The following DPP6 variants were observed in gnomAD, a reference collection of about 807,000 sequenced individuals.
DPP6 encodes the protein dipeptidyl peptidase like 6.
Under a neutral mutation model 122.6 loss-of-function variants are expected in DPP6, and 69 were observed. The observed-to-expected ratio is 0.56, with a 90% CI of 0.46 to 0.69. The LOEUF (loss-of-function observed/expected upper bound fraction) is 0.69. DPP6 is among the 30% of genes least tolerant of loss of function. The pLI is 0.00. For synonymous variants in DPP6, 418 were observed against 433.1 expected (o/e 0.97, Z 0.43); for missense variants, 928 against 1,116.9 (o/e 0.83, Z 2.41).
At position 154,359,981 on chromosome 7, in the gene DPP6, C is replaced by T. The variant is rs142265246; in HGVS notation, c.244-86233C>T. 1.1e-3 allele frequency among the ~76,000 whole-genome samples: 161 copies of T among 152,246 alleles called. 1 individual carries two copies. The highest frequency in any genetic ancestry group is 3.8e-3 in the African/African-American group (156 of 41,538). Reference sequence around the variant, plus strand: ...CAGAAATGATCGAGCTGCGAGCTGCCGGAGGACCGCATGCAGGGGAAATTT... The same window carrying T: ...CAGAAATGATCGAGCTGCGAGCTGCTGGAGGACCGCATGCAGGGGAAATTT... On this transcript the variant is annotated intron_variant, in intron 1 of 25. Coordinates refer to ENST00000377770, the MANE Select transcript of DPP6 (RefSeq NM_130797.4).
rs375896471 is a variant in DPP6 at position 154,773,000 on chromosome 7, T to C, written c.1136+58T>C. 48 of 1,489,016 alleles carry C rather than the reference T, an allele frequency of 3.2e-5. No homozygotes were observed. In the African/African-American group the frequency reaches 4.7e-4, roughly 14 times the overall value. 92.2% of individuals were successfully genotyped at this position (1,489,016 alleles called of 1,614,324 possible). Reference sequence around the variant, plus strand: ...AAAAAAAACTAAGATGAATGTTCAATGTGCATGGTCTCTTCTGGATCAGAT... The same window carrying C: ...AAAAAAAACTAAGATGAATGTTCAACGTGCATGGTCTCTTCTGGATCAGAT... On this transcript the variant is annotated intron_variant, in intron 10 of 25. Coordinates refer to ENST00000377770, the MANE Select transcript of DPP6 (RefSeq NM_130797.4).
At chr7:154,061,986 CG>C (rs1802023363) in intron 1 of DPP6, among the ~76,000 whole-genome samples, 4 of 126,374 alleles carry the variant, frequency 3.2e-5, no homozygotes, top group Middle Eastern at 4.8e-3. Context: ...TCCCCTCTTC[CG>C]CCCCTGGCTG....
chr7:154,018,777 C>T (rs1798550455), intron 1 of DPP6, among the ~76,000 whole-genome samples: 1 of 152,234 alleles, frequency 6.6e-6, no homozygotes, highest in Non-Finnish European at 1.5e-5. Context: ...CAGGAGGCTT[C>T]TTGCAGATGA....
rs1724266800 is a variant in DPP6, at chr7:154,245,338, A to C, written c.243+192275A>C. On this transcript the variant is annotated intron_variant, in intron 1 of 25. Coordinates refer to ENST00000377770, the MANE Select transcript of DPP6 (RefSeq NM_130797.4). ...AGATAAACCATAAAACAGTAAGCAT[A>C]AAAAAGCTATGGCTGGCCAGGCATG... Among the ~76,000 whole-genome samples, 4 of 152,066 alleles carry C rather than the reference A, an allele frequency of 2.6e-5. No individual in the cohort carries two copies. In the South Asian group the frequency reaches 8.3e-4, roughly 32 times the overall value.
At chr7:154,472,037 G>T (rs191403603) in intron 2 of DPP6, among the ~76,000 whole-genome samples, 93 of 152,252 alleles carry the variant, frequency 6.1e-4, no homozygotes, top group African/African-American at 2.0e-3. Context: ...GAAAAAGCCC[G>T]AGGTGTGGGG....
chr7:154,508,332 G>A (rs1169228261), intron 3 of DPP6, among the ~76,000 whole-genome samples: 2 of 152,138 alleles, frequency 1.3e-5, no homozygotes, highest in Non-Finnish European at 2.9e-5. Context: ...TGAGCCTGGA[G>A]GTGGGGGTTC....
chr7:153,756,478 A>G, the DPP6 span, among the ~76,000 whole-genome samples: 141 of 152,274 alleles, frequency 9.3e-4, no homozygotes, highest in Middle Eastern at 3.4e-3. Flanking sequence ...CTGAGCACGC[A>G]GTGAAGGGCC....
At chr7:154,664,461 C>T (rs866250974) in intron 6 of DPP6, among the ~76,000 whole-genome samples, 32 of 152,186 alleles carry the variant, frequency 2.1e-4, no homozygotes, top group African/African-American at 7.7e-4. Flanking sequence ...TTAAGTCTTT[C>T]TGATGTCCCA....
chr7:154,213,300 A>T (rs1036645258), intron 1 of DPP6, among the ~76,000 whole-genome samples: 3 of 152,242 alleles, frequency 2.0e-5, no homozygotes, highest in Admixed American at 2.0e-4. Context: ...ATGTGTAGCA[A>T]GTATTTGACA....
rs374580140 is a variant in DPP6, at chr7:154,676,274, G to T, written c.762+6833G>T. Among the ~76,000 whole-genome samples the T allele has an allele frequency of 6.0e-5, 9 of 149,638 alleles. No individual in the cohort carries two copies. In the East Asian group the frequency reaches 1.8e-3, roughly 30 times the overall value. ...CCGGGCTGCGGCCATGGGGCGTGCTGTCTGGAGGTCCAGCTGCCCTTCCCC... is the reference window on the plus strand; with the variant it reads ...CCGGGCTGCGGCCATGGGGCGTGCTTTCTGGAGGTCCAGCTGCCCTTCCCC... On this transcript the variant is annotated intron_variant, in intron 7 of 25. Transcript: ENST00000377770.
At chr7:154,230,615 C>T (rs997233580) in intron 1 of DPP6, among the ~76,000 whole-genome samples, 3 of 152,214 alleles carry the variant, frequency 2.0e-5, no homozygotes, top group African/African-American at 7.2e-5. Context: ...CAGTGTCCCC[C>T]TGAGTTAGAT....
intron 1 of DPP6, among the ~76,000 whole-genome samples, chr7:154,014,610 C>T (rs923640817): frequency 1.3e-4 from 20 of 151,296 alleles, no homozygotes; most frequent in African/African-American, 1.7e-4. Flanking sequence ...TGTAGTGAGC[C>T]GAGATTTTGC....
At chr7:154,579,274 G>A (rs779658368) in intron 5 of DPP6, among the ~76,000 whole-genome samples, 92 of 152,104 alleles carry the variant, frequency 6.0e-4, no homozygotes, top group Non-Finnish European at 1.0e-3. Context: ...GCTTGAACCC[G>A]GGAGGCAGAG....
intron 1 of DPP6, among the ~76,000 whole-genome samples, chr7:154,211,353 G>A (rs1456934201): frequency 6.6e-6 from 1 of 152,152 alleles, no homozygotes; most frequent in Non-Finnish European, 1.5e-5. Context: ...AGGAAAACCT[G>A]CCAGGAGGAT....
At chr7:154,854,767 G>A (rs889356219) in intron 17 of DPP6, among the ~76,000 whole-genome samples, 10 of 152,148 alleles carry the variant, frequency 6.6e-5, no homozygotes, top group Non-Finnish European at 1.2e-4. Context: ...CCGTGTTTAC[G>A]CGAGGGATGT....
At chr7:153,973,632 C>CGTGTGTGTGTGT (rs773321136) in intron 1 of DPP6, among the ~76,000 whole-genome samples, 18 of 113,418 alleles carry the variant, frequency 1.6e-4, no homozygotes, top group African/African-American at 5.7e-4. Flanking sequence ...CACCATCGCT[C>CGTGTGTGTGTGT]GTGTGTGTGT....
intron 1 of DPP6, among the ~76,000 whole-genome samples, chr7:154,290,340 A>G (rs912881243): frequency 6.6e-6 from 1 of 152,166 alleles, no homozygotes; most frequent in African/African-American, 2.4e-5. Flanking sequence ...CATTCCAAAA[A>G]TGTCCTAAAC....
chr7:154,138,507 G>A (rs986473300), intron 1 of DPP6, among the ~76,000 whole-genome samples: 1 of 152,194 alleles, frequency 6.6e-6, no homozygotes, highest in African/African-American at 2.4e-5. Flanking sequence ...GATCCACAGG[G>A]AAGGAGCCAA....
intron 6 of DPP6, among the ~76,000 whole-genome samples, chr7:154,656,172 T>G (rs1467432468): frequency 4.3e-5 from 4 of 93,846 alleles, no homozygotes; most frequent in South Asian, 3.8e-4. Flanking sequence ...GAGAGGGAGG[T>G]GGGGGGAGAG....
Sources: allele counts gnomAD v4.1 joint callset (sites outside exome capture counted in the v4.1 genomes callset), GRCh38; gene constraint gnomAD v4.1.1; transcripts MANE v1.5; gene names NCBI Gene and HGNC (gene_info 2026-07-23, HGNC 2026-07-21).